The following COX6C variants were observed in gnomAD, a reference collection of about 807,000 sequenced individuals.
COX6C encodes cytochrome c oxidase polypeptide VIc.
COX6C carries 3 observed loss-of-function variants against 6.9 expected under a neutral mutation model. The ratio of observed to expected loss-of-function variants is 0.43; its 90% CI spans 0.20 to 1.12. The LOEUF is 1.12. Ranked by LOEUF, COX6C falls within the 50% of genes most tolerant of loss-of-function variation. The pLI, the probability that COX6C is intolerant of heterozygous loss-of-function variation, is 0.27. For missense variants in COX6C, 101 were observed against 97.3 expected, an observed-to-expected ratio of 1.04 and a Z score of -0.16; for synonymous variants, 32 against 32.0, an observed-to-expected ratio of 1.00 and a Z score of 0.00.
chr8:99,882,189 G>A (rs1817876087), intron 3 of COX6C, among the ~76,000 whole-genome samples: 1 of 152,124 alleles, frequency 6.6e-6, no homozygotes, highest in Non-Finnish European at 1.5e-5. Context: ...CAACTAGATA[G>A]AAGGATTAAT....
intron 2 of COX6C, 76 bp downstream of exon 2, chr8:99,891,832 G>A: frequency 8.2e-7 from 1 of 1,221,668 alleles, no homozygotes; most frequent in Admixed American, 1.7e-5. Context: ...ATTACAAGGG[G>A]GAGTTTCTTT....
chr8:99,890,556 T>C (rs1209634549), intron 2 of COX6C, among the ~76,000 whole-genome samples: 2 of 152,206 alleles, frequency 1.3e-5, no homozygotes, highest in African/African-American at 4.8e-5. Flanking sequence ...CCTATTTGTG[T>C]GTCAGGCACC....
intron 2 of COX6C, among the ~76,000 whole-genome samples, chr8:99,888,054 G>A (rs755772587): frequency 1.3e-5 from 2 of 149,412 alleles, no homozygotes; most frequent in Non-Finnish European, 3.0e-5. Flanking sequence ...TCTCACCACT[G>A]CACTCCAGCC....
At chr8:99,879,945 G>A (rs1022295098) in intron 3 of COX6C, among the ~76,000 whole-genome samples, 14 of 152,196 alleles carry the variant, frequency 9.2e-5, no homozygotes, top group African/African-American at 3.4e-4. Flanking sequence ...CAAGAGATCA[G>A]AGACAAAAGA....
At chr8:99,881,428 G>A (rs1175509761) in intron 3 of COX6C, among the ~76,000 whole-genome samples, 1 of 151,416 alleles carries the variant, frequency 6.6e-6, no homozygotes, top group Non-Finnish European at 1.5e-5. Context: ...AAAGACAAAA[G>A]CATAAGAAGT....
chr8:99,889,305 T>G (rs1345505856), intron 2 of COX6C, among the ~76,000 whole-genome samples: 1 of 151,996 alleles, frequency 6.6e-6, no homozygotes. Context: ...AACTTTTTTT[T>G]TTGAGACAAA....
chr8:99,889,191 C>A (rs896392874), intron 2 of COX6C, among the ~76,000 whole-genome samples: 1 of 152,128 alleles, frequency 6.6e-6, no homozygotes, highest in African/African-American at 2.4e-5. Flanking sequence ...TCTCAAGGAC[C>A]AAAAGACTTT....
rs775951495 is a variant in COX6C at position 99,891,905 on chromosome 8, T to C, written c.114+3A>G. 1.2e-6 allele frequency: 2 copies of C among 1,612,726 alleles called. No individual in the cohort carries two copies. The highest frequency in any genetic ancestry group is 1.7e-6 in the Non-Finnish European group (2 of 1,178,866). The stretch of plus-strand genomic sequence containing the variant: ...TTCGGCACAAAGTAAAAAACATACA[T>C]ACCTTATACAAAGCTGCAACCCCCA... On this transcript the variant is annotated splice_donor_region_variant and intron_variant, in intron 2 of 3. Transcript: ENST00000520468.
intron 1 of COX6C, chr8:99,893,407 A>G (rs1034453366): frequency 1.3e-5 from 2 of 152,364 alleles, no homozygotes; most frequent in South Asian, 2.1e-4. Context: ...AGGGTCCCGC[A>G]GCCCACCCGG....
chr8:99,888,790 C>T (rs1260094806), intron 2 of COX6C, among the ~76,000 whole-genome samples: 1 of 152,238 alleles, frequency 6.6e-6, no homozygotes, highest in African/African-American at 2.4e-5. Context: ...GAGAGCTGCA[C>T]ATTTGCCCAC....
At chr8:99,880,250 C>T (rs1158050323) in intron 3 of COX6C, among the ~76,000 whole-genome samples, 1 of 152,038 alleles carries the variant, frequency 6.6e-6, no homozygotes, top group African/African-American at 2.4e-5. Flanking sequence ...GAAACACGGA[C>T]GATTGAAAGA....
chr8:99,881,380 G>C (rs114323040), intron 3 of COX6C, among the ~76,000 whole-genome samples: 2,489 of 151,246 alleles, frequency 0.016, 69 homozygotes, highest in African/African-American at 0.058. Context: ...AAAAAAAATT[G>C]GTTTGTAAAT....
chr8:99,882,867 T>C (rs1226688575), intron 3 of COX6C, among the ~76,000 whole-genome samples: 3 of 152,252 alleles, frequency 2.0e-5, no homozygotes, highest in African/African-American at 7.2e-5. Flanking sequence ...GTACAATCAC[T>C]GCTCACTGCA....
intron 2 of COX6C, among the ~76,000 whole-genome samples, chr8:99,890,085 C>A (rs1234757935): frequency 1.3e-5 from 2 of 151,428 alleles, no homozygotes; most frequent in Non-Finnish European, 2.9e-5. Flanking sequence ...CAGAGTGAGA[C>A]TCCATCTCAA....
At chr8:99,878,709 T>C (rs1817795775) in intron 3 of COX6C, 2 of 152,046 alleles carry the variant, frequency 1.3e-5, no homozygotes, top group Non-Finnish European at 2.9e-5. Flanking sequence ...ATCTAACAAA[T>C]TTAAATTAGC....
intron 3 of COX6C, among the ~76,000 whole-genome samples, chr8:99,880,463 G>A (rs998224894): frequency 2.0e-5 from 3 of 152,164 alleles, no homozygotes; most frequent in African/African-American, 4.8e-5. Context: ...CTGTGGAGCT[G>A]AAAAATGTAG....
chr8:99,878,472 T>G (rs965191868), intron 3 of COX6C: 9 of 152,186 alleles, frequency 5.9e-5, no homozygotes, highest in African/African-American at 2.2e-4. Flanking sequence ...CCACTCTGAA[T>G]AGCCTCTTTT....
intron 3 of COX6C, chr8:99,878,657 C>T: frequency 7.3e-6 from 1 of 137,692 alleles, no homozygotes; most frequent in Admixed American, 8.4e-5. Context: ...CAAATATGTT[C>T]TCTCATACAG....
chr8:99,879,917 C>A (rs1313742525), intron 3 of COX6C, among the ~76,000 whole-genome samples: 1 of 152,090 alleles, frequency 6.6e-6, no homozygotes, highest in Non-Finnish European at 1.5e-5. Context: ...GGAACACAGA[C>A]CTACAGAAAC....
Sources: gnomAD v4.1 joint callset for allele counts (sites outside exome capture counted in the v4.1 genomes callset) on GRCh38, gnomAD v4.1.1 for gene constraint, MANE v1.5 for transcripts, NCBI Gene and HGNC (gene_info 2026-07-23, HGNC 2026-07-21) for gene names.